Variants in INPP5F observed in about 807,000 individuals in gnomAD.
INPP5F encodes inositol polyphosphate-5-phosphatase F.
In INPP5F, 97 loss-of-function variants were observed where a neutral mutation model predicts 137.2. That is an observed-to-expected ratio of 0.71 (90% CI 0.60 to 0.84). The LOEUF (loss-of-function observed/expected upper bound fraction) is 0.84. INPP5F is among the 40% of genes least tolerant of loss of function. The pLI, the probability that INPP5F is intolerant of heterozygous loss-of-function variation, is 0.00. For missense variants in INPP5F, 1,271 were observed against 1,371.9 expected (o/e 0.93, Z 1.16); for synonymous variants, 504 against 476.9 (o/e 1.06, Z -0.74).
At chr10:119,825,347 C>T (rs1461073669) in intron 19 of INPP5F, among the ~76,000 whole-genome samples, 1 of 152,130 alleles carries the variant, frequency 6.6e-6, no homozygotes, top group Non-Finnish European at 1.5e-5. Flanking sequence ...TCCTCAGTTT[C>T]AAGAAAAACT....
rs995513677 is a variant in INPP5F at position 119,829,096 on chromosome 10, C to T, written c.*1316C>T. The T allele has an allele frequency of 2.0e-5, 3 of 151,660 alleles. No homozygotes were observed. The highest frequency in any genetic ancestry group is 2.1e-4 in the South Asian group (1 of 4,814). The allele number at this position is 151,660 out of a possible 1,614,324, so 9.4% of individuals were successfully genotyped here. On this transcript the variant is annotated 3_prime_UTR_variant, in exon 20 of 20. Transcript: ENST00000650623. ...TTATTAGTGCTATCTTTTTTTTTTA[C>T]GTGTTAAATCTTGTGATTATTAAAA...
At chr10:119,791,472 A>G in intron 3 of INPP5F, 45 bp from the exon 4 acceptor site, 2 of 1,488,006 alleles carry the variant, frequency 1.3e-6, no homozygotes, top group Non-Finnish European at 1.8e-6. Context: ...AACATTTAAC[A>G]AACAGGTATT....
At chr10:119,763,586 TCTC>T (rs1013341299) in intron 2 of INPP5F, among the ~76,000 whole-genome samples, 4 of 152,310 alleles carry the variant, frequency 2.6e-5, no homozygotes, top group East Asian at 3.9e-4. Context: ...CACTGGCTGT[TCTC>T]CTGCTGAAGT....
intron 3 of INPP5F, among the ~76,000 whole-genome samples, chr10:119,782,510 A>G (rs1048153437): frequency 1.6e-4 from 24 of 152,146 alleles, no homozygotes; most frequent in Non-Finnish European, 4.4e-5. Flanking sequence ...TTAGTCCCCA[A>G]GACCCCCCTA....
In INPP5F at chr10:119,811,872, G is replaced by A. The variant is rs988652299; in HGVS notation, c.1803G>A (p.Gln601=). Residue 601 remains glutamine (Q), a synonymous_variant, in exon 15 of 20, where the codon CAG becomes CAA. Coordinates refer to ENST00000650623, the MANE Select transcript of INPP5F (RefSeq NM_014937.4). ...GAAGCCACCAGGAACTAATTAGCCAGCTCTTACAAAGTTACATGAAGTTAC... is the reference window on the plus strand; with the variant it reads ...GAAGCCACCAGGAACTAATTAGCCAACTCTTACAAAGTTACATGAAGTTAC... The part of the protein sequence containing the change: ...NQRSHQELIS[Q]LLQSYMKLLL... 1.2e-6 allele frequency: 2 copies of A among 1,614,170 alleles called. No homozygotes were observed. Among genetic ancestry groups the A allele is most frequent in the Non-Finnish European group, 1.7e-6 (2 of 1,179,996 alleles).
intron 9 of INPP5F, among the ~76,000 whole-genome samples, chr10:119,799,890 A>G (rs1850521541): frequency 6.6e-6 from 1 of 152,132 alleles, no homozygotes; most frequent in East Asian, 1.9e-4. Context: ...CATGTTTTCA[A>G]TGTATTATTA....
chr10:119,787,567 G>A lies in INPP5F; in HGVS notation c.316-3950G>A, dbSNP rs1023641682. On this transcript the variant is annotated intron_variant, in intron 3 of 19. Transcript: ENST00000650623. The surrounding 1 kb of genome is among the most constrained non-coding windows in gnomAD (Gnocchi z 4.1). ...CACTCTAGCTTGGGTGACAGAGTGC[G>A]ACTCTGTCTCAAAGAAGGAAAGAAG... Among the ~76,000 whole-genome samples the A allele has an allele frequency of 2.6e-5, 4 of 151,074 alleles. No homozygotes were observed. Among genetic ancestry groups the A allele is most frequent in the East Asian group, 3.9e-4 (2 of 5,120 alleles).
intron 15 of INPP5F, among the ~76,000 whole-genome samples, chr10:119,814,073 G>A (rs928905759): frequency 6.6e-6 from 1 of 152,070 alleles, no homozygotes; most frequent in Non-Finnish European, 1.5e-5. Context: ...GAGCCAGTGA[G>A]TATCTTCTGT....
intron 2 of INPP5F, among the ~76,000 whole-genome samples, chr10:119,772,109 A>G (rs1208766175): frequency 1.3e-5 from 2 of 151,532 alleles, no homozygotes; most frequent in African/African-American, 4.9e-5. Context: ...CATGTTAGCC[A>G]GGATGGTCTG....
rs869037124 is a variant in INPP5F, at chr10:119,819,218, CTTTTTTTTTTTT to C, written c.1887-1614_1887-1603del. On this transcript the variant is annotated intron_variant, in intron 15 of 19. Transcript: ENST00000650623. ...TTGTTTCTTGTTCGTATTGAACGTG[CTTTTTTTTTTTT>C]TTTTTTTTTTTTTAAAGGGGAAGGG... 32 of 28,574 alleles carry C rather than the reference CTTTTTTTTTTTT, an allele frequency of 1.1e-3. No individual in the cohort carries two copies. In the East Asian group the frequency reaches 0.021, roughly 19 times the overall value. 1.8% of individuals were successfully genotyped at this position (28,574 alleles called of 1,614,324 possible). A position where few individuals can be genotyped will look rare whatever the true frequency, so the allele number is the denominator to read the frequency against.
intron 2 of INPP5F, among the ~76,000 whole-genome samples, chr10:119,762,135 C>T (rs991629928): frequency 1.3e-5 from 2 of 152,314 alleles, no homozygotes; most frequent in East Asian, 1.9e-4. Flanking sequence ...TAAGTGGACC[C>T]TTGCAGTTCA....
chr10:119,794,720 A>T (rs1163035788), intron 6 of INPP5F, among the ~76,000 whole-genome samples: 1 of 126,190 alleles, frequency 7.9e-6, no homozygotes, highest in Non-Finnish European at 1.6e-5. Context: ...TCCCTCCCGG[A>T]CGGGGCGGCT....
In INPP5F at chr10:119,742,807, A is replaced by G. The variant is rs1848414052; in HGVS notation, c.98-8269A>G. Reference sequence around the variant, plus strand: ...CGCAAGTTTGAGACCAGTCTGACCAACATGGTGAAACCTCGTCTCTACTAA... The same window carrying G: ...CGCAAGTTTGAGACCAGTCTGACCAGCATGGTGAAACCTCGTCTCTACTAA... On this transcript the variant is annotated intron_variant, in intron 1 of 19. Transcript: ENST00000650623. 2.0e-5 allele frequency among the ~76,000 whole-genome samples: 3 copies of G among 152,246 alleles called. No individual in the cohort carries two copies. The South Asian group carries it at 6.2e-4, about 32-fold the overall frequency.
intron 15 of INPP5F, among the ~76,000 whole-genome samples, chr10:119,818,256 A>G (rs1353647885): frequency 2.0e-5 from 3 of 152,206 alleles, no homozygotes; most frequent in African/African-American, 7.2e-5. Context: ...AGGCTCTGAG[A>G]CTGGAGAGGA....
In INPP5F at chr10:119,791,998, A is replaced by C. The variant is rs781473153; in HGVS notation, c.574A>C (p.Ser192Arg). 2.1e-5 allele frequency: 34 copies of C among 1,614,144 alleles called. No individual in the cohort carries two copies. Among genetic ancestry groups the C allele is most frequent in the Non-Finnish European group, 2.7e-5 (32 of 1,180,054 alleles). ...YDLTNSVQRQ[S>R]TGERDGRPLW... is the part of the protein sequence containing the mutation. ...CCTGACCAATTCCGTGCAGAGGCAG[A>C]GCACTGGGGAGAGGGACGGTCGGCC... The change falls in exon 5 of 20, where the codon AGC (serine) becomes CGC (arginine). Residue 192 changes from serine (S) to arginine (R), a missense_variant. Ser to Arg is a moderately radical substitution (Grantham distance 110, BLOSUM62 -1). Around this residue, in one of 6 missense-constraint regions of INPP5F, gnomAD observed 593 missense variants for 712.4 expected, o/e 0.83. Transcript: ENST00000650623.
At chr10:119,760,837 ATTAACTTG>A (rs1848989190) in intron 2 of INPP5F, among the ~76,000 whole-genome samples, 1 of 152,168 alleles carries the variant, frequency 6.6e-6, no homozygotes, top group Admixed American at 6.5e-5. Flanking sequence ...CTTTATGATG[ATTAACTTG>A]TATTGTGAGT....
At position 119,748,914 on chromosome 10, in the gene INPP5F, G is replaced by A. The variant is rs1848615555; in HGVS notation, c.98-2162G>A. 6.6e-6 allele frequency among the ~76,000 whole-genome samples: 1 copy of A among 152,168 alleles called. No individual in the cohort carries two copies. The highest frequency in any genetic ancestry group is 2.4e-5 in the African/African-American group (1 of 41,456). On this transcript the variant is annotated intron_variant, in intron 1 of 19. Coordinates refer to ENST00000650623, the MANE Select transcript of INPP5F (RefSeq NM_014937.4). The surrounding 1 kb of genome is among the most constrained non-coding windows in gnomAD (Gnocchi z 4.7). ...GTGTCTGTCTCCCTCCACTGCCCAG[G>A]CTGTTTGGGCTGAGGGGTGCCTGCA...
At chr10:119,783,724 C>T (rs934648153) in intron 3 of INPP5F, among the ~76,000 whole-genome samples, 6 of 151,976 alleles carry the variant, frequency 3.9e-5, no homozygotes, top group Non-Finnish European at 5.9e-5. Flanking sequence ...TTTTCTCTCT[C>T]GATAGTCTAA....
intron 1 of INPP5F, among the ~76,000 whole-genome samples, chr10:119,744,210 C>T (rs893589996): frequency 2.0e-5 from 3 of 152,078 alleles, no homozygotes; most frequent in Non-Finnish European, 4.4e-5. Flanking sequence ...TTCTTGACAA[C>T]ACTGAGTTAA....
Sources: gnomAD v4.1 joint callset for allele counts (sites outside exome capture counted in the v4.1 genomes callset) on GRCh38, gnomAD v4.1.1 for gene constraint, gnomAD v4.1.1 regional missense constraint, Gnocchi (gnomAD v3.1) non-coding constraint, MANE v1.5 for transcripts, NCBI Gene and HGNC (gene_info 2026-07-23, HGNC 2026-07-21) for gene names.